C1QTNF3: variants seen among roughly 807,000 people sequenced by gnomAD.
C1QTNF3 encodes the protein C1q and TNF related 3, also known as complement C1q tumor necrosis factor-related protein 3.
In C1QTNF3, 26 loss-of-function variants were observed where a neutral mutation model predicts 32.6. That is an observed-to-expected ratio of 0.80 (90% confidence interval 0.58 to 1.11). The LOEUF (loss-of-function observed/expected upper bound fraction) is 1.11, where lower values mean the gene tolerates loss of function less well. C1QTNF3 is among the 50% of genes least tolerant of loss of function. C1QTNF3 has a pLI of 0.00. For synonymous variants in C1QTNF3, 155 were observed against 146.0 expected, an observed-to-expected ratio of 1.06 and a Z score of -0.44; for missense variants, 362 against 398.2, an observed-to-expected ratio of 0.91 and a Z score of 0.77.
At chr5:34,221,315 T>C in the C1QTNF3 span, among the ~76,000 whole-genome samples, 1 of 152,100 alleles carries the variant, frequency 6.6e-6, no homozygotes, top group East Asian at 1.9e-4. Context: ...AAATCTGTCA[T>C]GCAAATACAT....
At chr5:34,153,889 A>G in the C1QTNF3 span, among the ~76,000 whole-genome samples, 1 of 151,248 alleles carries the variant, frequency 6.6e-6, no homozygotes, top group African/African-American at 2.4e-5. Flanking sequence ...AAGCAAAACA[A>G]AGCAAACTAA....
At chr5:34,071,563 G>A in the C1QTNF3 span, among the ~76,000 whole-genome samples, 6 of 151,842 alleles carry the variant, frequency 4.0e-5, no homozygotes, top group Non-Finnish European at 7.4e-5. Context: ...AAAAACATTC[G>A]TACAATGTAC....
chr5:34,132,975 G>A, the C1QTNF3 span, among the ~76,000 whole-genome samples: 6 of 152,146 alleles, frequency 3.9e-5, no homozygotes, highest in Admixed American at 6.5e-5. Context: ...TGCATTAGCC[G>A]TTTCTCAGAG....
chr5:34,177,635 T>C, the C1QTNF3 span, among the ~76,000 whole-genome samples: 1 of 151,928 alleles, frequency 6.6e-6, no homozygotes, highest in Non-Finnish European at 1.5e-5. Flanking sequence ...TACAGGTACA[T>C]GCCACCACAC....
the C1QTNF3 span, among the ~76,000 whole-genome samples, chr5:34,067,520 G>T: frequency 6.6e-6 from 1 of 152,222 alleles, no homozygotes; most frequent in South Asian, 2.1e-4. Context: ...CAGGCGAAGA[G>T]AGGAAACTTG....
chr5:34,224,915 C>T, the C1QTNF3 span, among the ~76,000 whole-genome samples: 1 of 152,052 alleles, frequency 6.6e-6, no homozygotes. Context: ...TGACAAAGGG[C>T]TAACATCCAG....
At chr5:34,229,415 TATTG>T in the C1QTNF3 span, among the ~76,000 whole-genome samples, 2 of 152,126 alleles carry the variant, frequency 1.3e-5, no homozygotes, top group African/African-American at 4.8e-5. Context: ...TACCAGAACC[TATTG>T]ATTATTACAG....
chr5:34,171,009 A>G, the C1QTNF3 span, among the ~76,000 whole-genome samples: 2 of 152,104 alleles, frequency 1.3e-5, no homozygotes, highest in Non-Finnish European at 2.9e-5. Context: ...TTAAAATGCC[A>G]GCTCTTCAAT....
At chr5:34,205,330 T>C in the C1QTNF3 span, among the ~76,000 whole-genome samples, 4 of 152,150 alleles carry the variant, frequency 2.6e-5, no homozygotes, top group African/African-American at 9.7e-5. Flanking sequence ...AATAGAGACA[T>C]AGATGGTGAT....
chr5:34,035,796 A>T, intron 1 of C1QTNF3, 38 bp from the exon 2 acceptor site: 1 of 1,497,076 alleles, frequency 6.7e-7, no homozygotes, highest in Non-Finnish European at 9.2e-7. Flanking sequence ...AAAAAAAGGT[A>T]CTTGTGAGCA....
chr5:34,033,765 G>A (rs1166642352), intron 2 of C1QTNF3, among the ~76,000 whole-genome samples: 3 of 152,158 alleles, frequency 2.0e-5, no homozygotes, highest in Admixed American at 6.5e-5. Flanking sequence ...CCAATACTAG[G>A]AGGGCATGAC....
At chr5:34,150,296 A>T in the C1QTNF3 span, among the ~76,000 whole-genome samples, 1 of 94,502 alleles carries the variant, frequency 1.1e-5, no homozygotes, top group Non-Finnish European at 2.0e-5. Flanking sequence ...TAGACAGATC[A>T]ACGAGACAGA....
At chr5:34,027,921 C>T (rs1011823056) in intron 4 of C1QTNF3, among the ~76,000 whole-genome samples, 4 of 151,650 alleles carry the variant, frequency 2.6e-5, no homozygotes, top group African/African-American at 9.7e-5. Context: ...GTAGAGTGTC[C>T]TAGCTTTTAT....
At chr5:34,221,543 G>C in the C1QTNF3 span, among the ~76,000 whole-genome samples, 3 of 152,014 alleles carry the variant, frequency 2.0e-5, no homozygotes, top group Non-Finnish European at 4.4e-5. Context: ...ATGGCTGCCA[G>C]TCAATGTTAC....
At chr5:34,208,445 T>C in the C1QTNF3 span, among the ~76,000 whole-genome samples, 10 of 151,816 alleles carry the variant, frequency 6.6e-5, no homozygotes, top group East Asian at 1.9e-3. Context: ...ATTAGCAACA[T>C]CCCTAGCCTC....
the C1QTNF3 span, among the ~76,000 whole-genome samples, chr5:34,070,867 A>C: frequency 6.6e-6 from 1 of 152,158 alleles, no homozygotes; most frequent in African/African-American, 2.4e-5. Context: ...TATTCATTCC[A>C]GTAAAGTCGC....
the C1QTNF3 span, among the ~76,000 whole-genome samples, chr5:34,226,554 T>G: frequency 6.6e-6 from 1 of 151,490 alleles, no homozygotes; most frequent in East Asian, 1.9e-4. Context: ...CCATTTAATA[T>G]GTTCTTAATC....
At chr5:34,085,186 C>T in the C1QTNF3 span, among the ~76,000 whole-genome samples, 4 of 149,602 alleles carry the variant, frequency 2.7e-5, no homozygotes, top group Non-Finnish European at 4.4e-5. Flanking sequence ...TTGTAGAGAC[C>T]GGGTTTCACC....
the C1QTNF3 span, among the ~76,000 whole-genome samples, chr5:34,155,312 T>G: frequency 6.6e-6 from 1 of 152,200 alleles, no homozygotes; most frequent in East Asian, 1.9e-4. Flanking sequence ...ATAATGCACT[T>G]TATACACAGA....
Sources: gnomAD v4.1 joint callset for allele counts (sites outside exome capture counted in the v4.1 genomes callset) on GRCh38, gnomAD v4.1.1 for gene constraint, MANE v1.5 for transcripts, NCBI Gene and HGNC (gene_info 2026-07-23, HGNC 2026-07-21) for gene names.